FHAD1: variants seen among roughly 807,000 people sequenced by gnomAD.
The protein encoded by FHAD1 is forkhead-associated domain-containing protein 1.
A neutral mutation model predicts 191.3 loss-of-function variants in FHAD1; 146 were observed. The ratio of observed to expected loss-of-function variants is 0.76; its 90% CI spans 0.67 to 0.88. The LOEUF (loss-of-function observed/expected upper bound fraction) is 0.88, where lower values mean the gene tolerates loss of function less well. FHAD1 is among the 40% of genes least tolerant of loss of function. The pLI is 0.00. For missense variants in FHAD1, 1,635 were observed against 1,785.8 expected (o/e 0.92, Z 1.52); for synonymous variants, 616 against 672.3 (o/e 0.92, Z 1.29).
At chr1:15,387,486 C>T (rs1383973436) in intron 31 of FHAD1, among the ~76,000 whole-genome samples, 11 of 152,092 alleles carry the variant, frequency 7.2e-5, no homozygotes, top group East Asian at 1.9e-4. Context: ...CGGTGGCTCA[C>T]GCCTGTAATC....
rs138563058 is a variant in FHAD1 at position 15,339,919 on chromosome 1, G to A, written c.1977+368G>A. 4.0e-3 allele frequency among the ~76,000 whole-genome samples: 612 copies of A among 152,092 alleles called. 7 individuals are homozygous for A. The highest frequency in any genetic ancestry group is 0.014 in the African/African-American group (569 of 41,442). Reference sequence around the variant, plus strand: ...CGGCTCATTGCAACCTCTGCCTCCCGGGTTCAAGTGATTCTCCTGCTTCAG... The same window carrying A: ...CGGCTCATTGCAACCTCTGCCTCCCAGGTTCAAGTGATTCTCCTGCTTCAG... On this transcript the variant is annotated intron_variant, in intron 15 of 33. Transcript: ENST00000688493.
At chr1:15,399,121 C>T (rs1706842677), downstream of FHAD1, among the ~76,000 whole-genome samples, 1 of 152,078 alleles carries the variant, frequency 6.6e-6, no homozygotes, top group Admixed American at 6.6e-5. Flanking sequence ...CGCGGCCAGC[C>T]TACTTTTTTT....
intron 6 of FHAD1, among the ~76,000 whole-genome samples, chr1:15,306,117 C>T (rs867279410): frequency 1.3e-5 from 2 of 152,120 alleles, no homozygotes; most frequent in South Asian, 2.1e-4. Context: ...AGGTGGTCTC[C>T]GATGGAGATG....
At position 15,349,135 on chromosome 1, in the gene FHAD1, AC is replaced by A. The variant is rs1189371806; in HGVS notation, c.2443del (p.Gln815AsnfsTer35). 6.4e-7 allele frequency: 1 copy of A among 1,550,948 alleles called. No individual in the cohort carries two copies. The highest frequency in any genetic ancestry group is 2.0e-5 in the Admixed American group (1 of 50,982). ...RKVQDLENHLTQQKEISESNI... is the reference protein window; with the variant it reads ...RKVQDLENHLXQQKEISESNI... The stretch of plus-strand genomic sequence containing the variant: ...AGTTCAGGATCTGGAGAACCATTTA[AC>A]CCAACAGAAGGAGGTATGAGCAGCA... On this transcript the variant is annotated frameshift_variant, in exon 19 of 34. Transcript: ENST00000688493. LOFTEE classifies it high-confidence loss of function.
At chr1:15,300,324 A>G (rs907662454) in intron 5 of FHAD1, among the ~76,000 whole-genome samples, 5 of 152,192 alleles carry the variant, frequency 3.3e-5, no homozygotes, top group Non-Finnish European at 5.9e-5. Context: ...ACAAGAGCCT[A>G]TATACATAAA....
intron 33 of FHAD1, among the ~76,000 whole-genome samples, chr1:15,393,607 C>CTT (rs34399811): frequency 9.8e-5 from 14 of 142,342 alleles, no homozygotes; most frequent in East Asian, 6.1e-4. Flanking sequence ...CAGTCTTGGG[C>CTT]TTTTTTTTTT....
chr1:15,256,576 C>G (rs1648168648), intron 2 of FHAD1, among the ~76,000 whole-genome samples: 1 of 143,764 alleles, frequency 7.0e-6, no homozygotes, highest in African/African-American at 2.6e-5. Context: ...TTGATTGAAC[C>G]TGGGAGATTG....
Position 15,316,310 on chromosome 1 carries a change from C to A in FHAD1, c.1171-68C>A. 1 of 1,277,262 alleles carries A rather than the reference C, an allele frequency of 7.8e-7. No homozygotes were observed. Among genetic ancestry groups the A allele is most frequent in the Non-Finnish European group, 1.1e-6 (1 of 901,920 alleles). 79.1% of individuals were successfully genotyped at this position (1,277,262 alleles called of 1,614,324 possible). ...AGGGGCTCACATGGGGCCTTGGAGCCCCTCCTTCCCCCGACAACCCTACCT... is the reference window on the plus strand; with the variant it reads ...AGGGGCTCACATGGGGCCTTGGAGCACCTCCTTCCCCCGACAACCCTACCT... On this transcript the variant is annotated intron_variant, in intron 8 of 33. Transcript: ENST00000688493. This position sits in a 1 kb window ranked among gnomAD's most constrained non-coding sequence, Gnocchi z 4.3.
In FHAD1 at chr1:15,352,939, G is replaced by T. The variant is rs1332264791; in HGVS notation, c.2517G>T (p.Lys839Asn). The T allele has an allele frequency of 1.3e-6, 2 of 1,551,442 alleles. No individual in the cohort carries two copies. The highest frequency in any genetic ancestry group is 2.4e-5 in the East Asian group (1 of 40,878). Residue 839 changes from lysine (K) to asparagine (N), a missense_variant, in exon 20 of 34, where the codon AAG becomes AAT. Transcript: ENST00000688493. Reference sequence around the variant, plus strand: ...CAAAGGAGGCCATGGAGAAGGAAAAGAAAAAGGTGCAAGACCTGGAGAATC... The same window carrying T: ...CAAAGGAGGCCATGGAGAAGGAAAATAAAAAGGTGCAAGACCTGGAGAATC... ...RKAKEAMEKEKKKVQDLENRL... is the reference protein window; with the variant it reads ...RKAKEAMEKENKKVQDLENRL...
chr1:15,308,863 C>T (rs1671381491), intron 7 of FHAD1, 127 bp downstream of exon 7: 11 of 1,404,464 alleles, frequency 7.8e-6, no homozygotes, highest in South Asian at 1.4e-5. Flanking sequence ...GAGTTCTTCC[C>T]AGCAGCCCTT....
rs371335103 is a variant in FHAD1, at chr1:15,382,029, C to A, written c.4024C>A (p.Arg1342=). 6.4e-7 allele frequency: 1 copy of A among 1,551,888 alleles called. No homozygotes were observed. Among genetic ancestry groups the A allele is most frequent in the East Asian group, 2.4e-5 (1 of 40,880 alleles). ...GYEKDVEQLR[R]SKVSIEMYQS... ...ACGCCATCTCTCCTGTGCACCCAGG[C>A]GGAGCAAAGTGTCCATTGAGATGTA... Residue 1342 remains arginine, a splice_region_variant and synonymous_variant, in exon 31 of 34, where the codon CGG becomes AGG. Transcript: ENST00000688493.
At chr1:15,367,030 C>G (rs1202795830) in intron 24 of FHAD1, among the ~76,000 whole-genome samples, 2 of 152,168 alleles carry the variant, frequency 1.3e-5, no homozygotes, top group Admixed American at 6.5e-5. Context: ...GTTAACACCC[C>G]CAAGACATTT....
intron 6 of FHAD1, among the ~76,000 whole-genome samples, chr1:15,305,157 C>T (rs1477148380): frequency 2.0e-5 from 3 of 152,122 alleles, no homozygotes; most frequent in African/African-American, 4.8e-5. Flanking sequence ...TAAAACGCAC[C>T]GTAGAATAAT....
chr1:15,371,389 GA>G (rs963535382), intron 26 of FHAD1, among the ~76,000 whole-genome samples: 2 of 152,210 alleles, frequency 1.3e-5, no homozygotes, highest in Non-Finnish European at 2.9e-5. Context: ...AGATAAAAGG[GA>G]AAATGTATTT....
intron 4 of FHAD1, among the ~76,000 whole-genome samples, chr1:15,292,419 C>T (rs1364807923): frequency 6.6e-6 from 1 of 152,016 alleles, no homozygotes; most frequent in Non-Finnish European, 1.5e-5. Context: ...CAGCAAGCTC[C>T]ACCTCCCAGG....
intron 3 of FHAD1, among the ~76,000 whole-genome samples, chr1:15,281,760 CAAAAAAAAAAAA>C (rs35950054): frequency 1.6e-5 from 1 of 64,422 alleles, no homozygotes; most frequent in African/African-American, 6.0e-5. Context: ...GACACTGTCT[CAAAAAAAAAAAA>C]AAAAAAAAAA....
Position 15,247,224 on chromosome 1 carries a change from T to A in FHAD1, c.-186T>A. 6.4e-6 allele frequency: 1 copy of A among 157,028 alleles called. No individual in the cohort carries two copies. The allele number at this position is 157,028 out of a possible 1,614,324, so 9.7% of individuals were successfully genotyped here. A position where few individuals can be genotyped will look rare whatever the true frequency, so the allele number is the denominator to read the frequency against. On this transcript the variant is annotated 5_prime_UTR_variant, in exon 1 of 34. In the 5' UTR this introduces an upstream ATG that the reference lacks. Coordinates refer to ENST00000688493, the MANE Select transcript of FHAD1 (RefSeq NM_001391957.1). ...CTGGACCCCGCGGCGCCTGGCGGCG[T>A]TGCCATGGCAACGCGCGTACACAGG...
At chr1:15,341,041 G>A (rs1412251381) in intron 15 of FHAD1, among the ~76,000 whole-genome samples, 1 of 152,148 alleles carries the variant, frequency 6.6e-6, no homozygotes, top group East Asian at 1.9e-4. Context: ...AATTAGCCAG[G>A]TGTGGTGGTG....
intron 16 of FHAD1, 129 bp from the exon 17 acceptor site, chr1:15,344,954 G>T (rs1367201831): frequency 5.7e-6 from 4 of 697,370 alleles, no homozygotes; most frequent in Admixed American, 2.4e-5. Flanking sequence ...GAGCTCCTAG[G>T]CTCTGCTGCC....
Sources: allele counts gnomAD v4.1 joint callset (sites outside exome capture counted in the v4.1 genomes callset), GRCh38; gene constraint gnomAD v4.1.1; non-coding constraint Gnocchi (gnomAD v3.1); transcripts MANE v1.5; gene names NCBI Gene and HGNC (gene_info 2026-07-23, HGNC 2026-07-21).